ATP11A: variants seen among roughly 807,000 people sequenced by gnomAD.
ATP11A encodes ATPase phospholipid transporting 11A, also known as phospholipid-transporting ATPase IH.
Under a neutral mutation model 154.4 loss-of-function variants are expected in ATP11A, and 81 were observed. The observed-to-expected ratio is 0.52, with a 90% CI of 0.44 to 0.63. The LOEUF is 0.63. Among genes scored for constraint, ATP11A ranks in the 30% least tolerant of loss-of-function variants. ATP11A has a pLI of 0.00. For synonymous variants in ATP11A, 623 were observed against 585.9 expected (o/e 1.06, Z -0.91); for missense variants, 1,316 against 1,474.3 (o/e 0.89, Z 1.76).
At chr13:112,739,607 T>C (rs1315937175) in intron 1 of ATP11A, among the ~76,000 whole-genome samples, 1 of 152,242 alleles carries the variant, frequency 6.6e-6, no homozygotes, top group Non-Finnish European at 1.5e-5. Flanking sequence ...TGCCCTGCAA[T>C]TCCACGCCTA....
intron 1 of ATP11A, among the ~76,000 whole-genome samples, chr13:112,735,653 C>A (rs1258820179): frequency 2.2e-4 from 33 of 152,156 alleles, no homozygotes; most frequent in Non-Finnish European, 1.5e-5. Context: ...TTCACTCGCG[C>A]AGATAAGAAG....
Position 112,769,982 on chromosome 13 carries a change from C to T in ATP11A, c.40-15153C>T, listed in dbSNP as rs951532881. On this transcript the variant is annotated intron_variant, in intron 1 of 29. Coordinates refer to ENST00000375645, the MANE Select transcript of ATP11A (RefSeq NM_015205.3). The stretch of plus-strand genomic sequence containing the variant: ...GGTGAATCGCATGAAATCAGCGTTA[C>T]GTTTGCTCCTGCTGCATTTCATGAG... Among the ~76,000 whole-genome samples, 20 of 152,036 alleles carry T rather than the reference C, an allele frequency of 1.3e-4. 1 individual carries two copies. The highest frequency in any genetic ancestry group is 2.8e-4 in the Non-Finnish European group (19 of 68,042).
chr13:112,709,645 T>G (rs1227411955), intron 1 of ATP11A, among the ~76,000 whole-genome samples: 2 of 152,256 alleles, frequency 1.3e-5, no homozygotes, highest in Admixed American at 6.5e-5. Flanking sequence ...AGAAGATGTT[T>G]AAATTTACCT....
chr13:112,719,797 T>C (rs1318915762), intron 1 of ATP11A, among the ~76,000 whole-genome samples: 2 of 152,226 alleles, frequency 1.3e-5, no homozygotes, highest in East Asian at 3.8e-4. Context: ...AGTTCCATTT[T>C]GGTGACGTGG....
intron 20 of ATP11A, chr13:112,856,310 A>G (rs947212174): frequency 7.5e-6 from 3 of 399,218 alleles, no homozygotes; most frequent in African/African-American, 6.2e-5. Context: ...ACCCTTCCAG[A>G]TGCAGTGGCC....
intron 25 of ATP11A, among the ~76,000 whole-genome samples, chr13:112,871,163 T>C (rs1242179834): frequency 6.6e-6 from 1 of 152,154 alleles, no homozygotes; most frequent in Non-Finnish European, 1.5e-5. Context: ...TCCTCTGCAT[T>C]TACTCGCAGA....
At chr13:112,811,161 A>ACACACACACACACACACACAC (rs2078484592) in intron 5 of ATP11A, among the ~76,000 whole-genome samples, 1 of 115,582 alleles carries the variant, frequency 8.7e-6, no homozygotes, top group African/African-American at 3.6e-5. Flanking sequence ...TGCCCCTTCC[A>ACACACACACACACACACACAC]ACACACACAC....
In ATP11A at chr13:112,696,826, G is replaced by T. The variant is rs1485789078; in HGVS notation, c.39+6371G>T. The T allele has an allele frequency of 2.6e-5, 4 of 152,374 alleles. No individual in the cohort carries two copies. In the South Asian group the frequency reaches 8.3e-4, roughly 32 times the overall value. 9.4% of individuals were successfully genotyped at this position (152,374 alleles called of 1,614,324 possible). ...AGCGCCCCTGTGTGCTCAGAGACAC[G>T]CCAGTGAGCCGGGAAGGACAGAGAC... On this transcript the variant is annotated intron_variant, in intron 1 of 29. Transcript: ENST00000375645. The surrounding 1 kb of genome is among the most constrained non-coding windows in gnomAD (Gnocchi z 6.2).
chr13:112,727,036 C>CGCTGCT (rs1467998542), intron 1 of ATP11A, among the ~76,000 whole-genome samples: 1 of 152,158 alleles, frequency 6.6e-6, no homozygotes, highest in Non-Finnish European at 1.5e-5. Context: ...TAAATCTGAA[C>CGCTGCT]GCTGCTGCTG....
At chr13:112,811,767 G>C (rs951457390) in intron 5 of ATP11A, 20 of 152,138 alleles carry the variant, frequency 1.3e-4, no homozygotes, top group African/African-American at 4.8e-4. Flanking sequence ...ACCACACCCA[G>C]CTAATTTTTG....
chr13:112,881,220 G>A (rs1337441127), intron 29 of ATP11A: 3 of 989,302 alleles, frequency 3.0e-6, no homozygotes, highest in Non-Finnish European at 3.6e-6. Context: ...CCGGCCTCCT[G>A]CCGCTCCCCT....
rs141519038 is a variant in ATP11A, at chr13:112,837,006, C to T, written c.1705+755C>T. Among the ~76,000 whole-genome samples the T allele has an allele frequency of 5.0e-3, 768 of 152,370 alleles. 8 individuals are homozygous for T. The highest frequency in any genetic ancestry group is 0.018 in the African/African-American group (741 of 41,586). ...GGACGACCTCGTCTCCCCCCACCCT[C>T]AGCAGGTCACGACACATGCCACAGG... On this transcript the variant is annotated intron_variant, in intron 16 of 29. Coordinates refer to ENST00000375645, the MANE Select transcript of ATP11A (RefSeq NM_015205.3).
chr13:112,706,623 C>T (rs1214047991), intron 1 of ATP11A, among the ~76,000 whole-genome samples: 5 of 152,184 alleles, frequency 3.3e-5, no homozygotes, highest in Non-Finnish European at 5.9e-5. Flanking sequence ...TTGAAAATTA[C>T]ATTTAAGAGT....
chr13:112,799,124 G>A (rs1488600902), intron 2 of ATP11A, among the ~76,000 whole-genome samples: 1 of 152,196 alleles, frequency 6.6e-6, no homozygotes, highest in African/African-American at 2.4e-5. Flanking sequence ...AATTCTCAAA[G>A]TCTCTGTAAC....
chr13:112,742,607 T>C (rs2139759201), intron 1 of ATP11A, among the ~76,000 whole-genome samples: 1 of 152,382 alleles, frequency 6.6e-6, no homozygotes, highest in South Asian at 2.1e-4. Context: ...TCTGCGAAGC[T>C]ACCGCTTATG....
intron 17 of ATP11A, among the ~76,000 whole-genome samples, chr13:112,847,338 A>G (rs551259351): frequency 6.0e-4 from 92 of 152,368 alleles, no homozygotes; most frequent in African/African-American, 2.2e-3. Flanking sequence ...ATGAAATCCA[A>G]GATGATGAAG....
At chr13:112,701,110 G>C (rs1457058974) in intron 1 of ATP11A, among the ~76,000 whole-genome samples, 2 of 152,154 alleles carry the variant, frequency 1.3e-5, no homozygotes, top group African/African-American at 2.4e-5. Flanking sequence ...AGTGGCACCC[G>C]AATATGTGGA....
chr13:112,790,638 C>G (rs534081524), intron 2 of ATP11A, among the ~76,000 whole-genome samples: 1 of 151,860 alleles, frequency 6.6e-6, no homozygotes, highest in African/African-American at 2.4e-5. Flanking sequence ...TAATCCACAC[C>G]GGGTGTCCTG....
At chr13:112,764,390 AC>A (rs2077028461) in intron 1 of ATP11A, among the ~76,000 whole-genome samples, 1 of 152,200 alleles carries the variant, frequency 6.6e-6, no homozygotes, top group Non-Finnish European at 1.5e-5. Context: ...CCTGTTCCTT[AC>A]GATTTCATGG....
Sources: gnomAD v4.1 joint callset for allele counts (sites outside exome capture counted in the v4.1 genomes callset) on GRCh38, gnomAD v4.1.1 for gene constraint, Gnocchi (gnomAD v3.1) non-coding constraint, MANE v1.5 for transcripts, NCBI Gene and HGNC (gene_info 2026-07-23, HGNC 2026-07-21) for gene names.